The following CEACAM19 variants were observed in gnomAD, a reference collection of about 807,000 sequenced individuals.
The protein encoded by CEACAM19 is cell adhesion molecule CEACAM19.
Under a neutral mutation model 37.6 loss-of-function variants are expected in CEACAM19, and 37 were observed. The observed-to-expected ratio is 0.98, with a 90% CI of 0.76 to 1.29. The LOEUF (loss-of-function observed/expected upper bound fraction) is 1.29. CEACAM19 is among the 50% of genes most tolerant of loss of function. The probability of loss-of-function intolerance (pLI) is 0.00; values close to 1 mark genes in which losing one functional copy is unlikely to be tolerated. For synonymous variants in CEACAM19, 140 were observed against 149.8 expected (o/e 0.93, Z 0.48); for missense variants, 340 against 375.6 (o/e 0.91, Z 0.78).
At position 44,677,684 on chromosome 19, in the gene CEACAM19, T is replaced by C. The variant is rs1599790346; in HGVS notation, c.576-1169T>C. The C allele has an allele frequency of 2.1e-5, 3 of 146,072 alleles. No homozygotes were observed. The East Asian group carries it at 5.8e-4, about 28-fold the overall frequency. 9.0% of individuals were successfully genotyped at this position (146,072 alleles called of 1,614,324 possible). A position where few individuals can be genotyped will look rare whatever the true frequency, so the allele number is the denominator to read the frequency against. On this transcript the variant is annotated intron_variant, in intron 3 of 7. Transcript: ENST00000358777. ...TTCCTTATGTGCCATGGATTCTGTT[T>C]TCTTCTTCTTCTTTTTTTTTTTTGA...
At chr19:44,669,184 A>T (rs1179060235), upstream of CEACAM19, among the ~76,000 whole-genome samples, 1 of 151,792 alleles carries the variant, frequency 6.6e-6, no homozygotes, top group Non-Finnish European at 1.5e-5. Flanking sequence ...CAGTGTCATG[A>T]TCAAAGTTCA....
intron 5 of CEACAM19, among the ~76,000 whole-genome samples, 162 bp downstream of exon 5, chr19:44,680,496 C>T (rs73565991): frequency 6.6e-6 from 1 of 151,848 alleles, no homozygotes; most frequent in African/African-American, 2.4e-5. Flanking sequence ...ATAATCTGAG[C>T]GCATCGGCAC....
In CEACAM19 at chr19:44,671,784, A is replaced by C. The variant is rs1443835763; in HGVS notation, c.-148A>C. The C allele has an allele frequency of 4.9e-6, 3 of 613,040 alleles. No homozygotes were observed. The highest frequency in any genetic ancestry group is 3.7e-5 in the African/African-American group (2 of 54,094). 38.0% of individuals were successfully genotyped at this position (613,040 alleles called of 1,614,324 possible). On this transcript the variant is annotated 5_prime_UTR_variant, in exon 1 of 8. The change abolishes an upstream ATG in the 5' untranslated region. Coordinates refer to ENST00000358777, the MANE Select transcript of CEACAM19 (RefSeq NM_001127893.3). ...AGCCTCCAGAGCCCATGGACAGGGC[A>C]TGCTGGGGCTGGGCCAGCCCCAGCG...
intron 1 of CEACAM19, 78 bp from the exon 2 acceptor site, chr19:44,672,518 G>T: frequency 7.3e-7 from 1 of 1,365,728 alleles, no homozygotes; most frequent in Admixed American, 2.8e-5. Context: ...CCCCGCTGAA[G>T]ATCTGTATCT....
chr19:44,681,931 A>C lies in CEACAM19; in HGVS notation c.792+619A>C, dbSNP rs1002440673. 7.4e-4 allele frequency among the ~76,000 whole-genome samples: 86 copies of C among 116,012 alleles called. No homozygotes were observed. The East Asian group carries it at 9.0e-3, about 12-fold the overall frequency. 76.1% of individuals were successfully genotyped at this position (116,012 alleles called of 152,430 possible). A position where few individuals can be genotyped will look rare whatever the true frequency, so the allele number is the denominator to read the frequency against. ...CACGACAGGAGCGAGACTCCATCCCAAAAAAAAAAAAAGTTATTTAGATTA... is the reference window on the plus strand; with the variant it reads ...CACGACAGGAGCGAGACTCCATCCCCAAAAAAAAAAAAGTTATTTAGATTA... On this transcript the variant is annotated intron_variant, in intron 6 of 7. Transcript: ENST00000358777.
chr19:44,676,422 G>T lies in CEACAM19; in HGVS notation c.575+1G>T. Reference sequence around the variant, plus strand: ...GGAACTGGAGGGGCCAGAGCCACAGGTACAGGGTCCCCAAGTGTCCCTCTC... The same window carrying T: ...GGAACTGGAGGGGCCAGAGCCACAGTTACAGGGTCCCCAAGTGTCCCTCTC... On this transcript the variant is annotated splice_donor_variant, in intron 3 of 7. Coordinates refer to ENST00000358777, the MANE Select transcript of CEACAM19 (RefSeq NM_001127893.3). LOFTEE classifies it high-confidence loss of function. 1 of 1,613,994 alleles carries T rather than the reference G, an allele frequency of 6.2e-7. No individual in the cohort carries two copies. The highest frequency in any genetic ancestry group is 1.7e-5 in the Admixed American group (1 of 59,994).
chr19:44,668,786 A>G (rs1324477186), upstream of CEACAM19, among the ~76,000 whole-genome samples: 2 of 114,174 alleles, frequency 1.8e-5, no homozygotes, highest in Non-Finnish European at 3.3e-5. Flanking sequence ...ATAATTATAT[A>G]TAATATATAT....
chr19:44,668,555 T>A (rs1168282468), upstream of CEACAM19, among the ~76,000 whole-genome samples: 21 of 69,562 alleles, frequency 3.0e-4, no homozygotes, highest in African/African-American at 2.0e-3. Context: ...ATTATATAAT[T>A]ATATACATAT....
intron 6 of CEACAM19, among the ~76,000 whole-genome samples, chr19:44,681,871 A>C (rs1226252812): frequency 6.6e-6 from 1 of 152,018 alleles, no homozygotes; most frequent in East Asian, 1.9e-4. Flanking sequence ...TGGAGGTTGC[A>C]GTAAGCCGAG....
chr19:44,681,353 A>T (rs2122151302), intron 6 of CEACAM19, 41 bp downstream of exon 6: 1 of 1,386,498 alleles, frequency 7.2e-7, no homozygotes, highest in East Asian at 2.3e-5. Flanking sequence ...GCCAATGCTA[A>T]CAGGCGCCTC....
At chr19:44,669,378 C>G (rs926729196), upstream of CEACAM19, among the ~76,000 whole-genome samples, 8 of 152,100 alleles carry the variant, frequency 5.3e-5, no homozygotes, top group Non-Finnish European at 1.2e-4. Flanking sequence ...CCCACCTCAG[C>G]CTCTCAGAGG....
intron 2 of CEACAM19, among the ~76,000 whole-genome samples, chr19:44,674,668 G>A (rs1015986390): frequency 2.0e-5 from 3 of 152,184 alleles, no homozygotes; most frequent in Non-Finnish European, 4.4e-5. Context: ...CTCCCAAAGT[G>A]CTGGGATTAC....
Position 44,674,318 on chromosome 19 carries a change from A to T in CEACAM19, c.424+1354A>T, listed in dbSNP as rs60531689. Reference sequence around the variant, plus strand: ...ACTTGTAAATAGATTGTATGCCCTTATTTTTTTTTTTTTCAATTTAAAAGC... The same window carrying T: ...ACTTGTAAATAGATTGTATGCCCTTTTTTTTTTTTTTTTCAATTTAAAAGC... On this transcript the variant is annotated intron_variant, in intron 2 of 7. Transcript: ENST00000358777. 3.4e-4 allele frequency among the ~76,000 whole-genome samples: 49 copies of T among 143,560 alleles called. 1 individual carries two copies. The East Asian group carries it at 9.3e-3, about 27-fold the overall frequency. The allele number at this position is 143,560 out of a possible 152,430, so 94.2% of individuals were successfully genotyped here.
upstream of CEACAM19, among the ~76,000 whole-genome samples, chr19:44,670,385 C>T (rs1414844584): frequency 6.6e-6 from 1 of 150,484 alleles, no homozygotes; most frequent in East Asian, 2.0e-4. Context: ...ACAAAACATA[C>T]ACTCTGGGGC....
intron 6 of CEACAM19, among the ~76,000 whole-genome samples, chr19:44,681,717 G>A (rs1974063519): frequency 1.3e-5 from 2 of 152,086 alleles, no homozygotes; most frequent in Non-Finnish European, 2.9e-5. Flanking sequence ...ATCACCTGAG[G>A]TCAGGAGTTT....
upstream of CEACAM19, among the ~76,000 whole-genome samples, chr19:44,670,080 G>A (rs191532256): frequency 6.6e-6 from 1 of 152,130 alleles, no homozygotes; most frequent in Non-Finnish European, 1.5e-5. Context: ...CCAGTACTTT[G>A]GGAGGCTAAG....
chr19:44,668,126 AT>A (rs1973772307), upstream of CEACAM19, among the ~76,000 whole-genome samples: 1 of 79,946 alleles, frequency 1.3e-5, no homozygotes, highest in South Asian at 3.8e-4. Context: ...TATGTTATAT[AT>A]TTTTATATAA....
At chr19:44,667,712 TATATATAAATTATATATTTATATATATA>T (rs1338891584), upstream of CEACAM19, among the ~76,000 whole-genome samples, 2 of 77,672 alleles carry the variant, frequency 2.6e-5, no homozygotes, top group Non-Finnish European at 4.4e-5. Context: ...ATTATATAAA[TATATATAAATTATATATTTATATATATA>T]ATATATAAAT....
rs558857634 is a variant in CEACAM19 at position 44,684,252 on chromosome 19, G to A, written c.*762G>A. 2 of 152,334 alleles carry A rather than the reference G, an allele frequency of 1.3e-5. No individual in the cohort carries two copies. The highest frequency in any genetic ancestry group is 1.3e-4 in the Admixed American group (2 of 15,292). 9.4% of individuals were successfully genotyped at this position (152,334 alleles called of 1,614,324 possible). Reference sequence around the variant, plus strand: ...GAGCCTTTGCTGTATGCCAGACCCAGTTCTAGGCTCTTGCAGCCCTGGTAG... The same window carrying A: ...GAGCCTTTGCTGTATGCCAGACCCAATTCTAGGCTCTTGCAGCCCTGGTAG... On this transcript the variant is annotated 3_prime_UTR_variant, in exon 8 of 8. Coordinates refer to ENST00000358777, the MANE Select transcript of CEACAM19 (RefSeq NM_001127893.3).
Sources: gnomAD v4.1 joint callset for allele counts (sites outside exome capture counted in the v4.1 genomes callset) on GRCh38, gnomAD v4.1.1 for gene constraint, MANE v1.5 for transcripts, NCBI Gene and HGNC (gene_info 2026-07-23, HGNC 2026-07-21) for gene names.